NTRK2: variants seen among roughly 807,000 people sequenced by gnomAD.
NTRK2 encodes neurotrophic receptor tyrosine kinase 2.
In NTRK2, 13 loss-of-function variants were observed where a neutral mutation model predicts 94.5. The observed-to-expected ratio is 0.14, with a 90% confidence interval of 0.09 to 0.22. NTRK2 has a LOEUF of 0.22. NTRK2 is among the 10% of genes least tolerant of loss of function. NTRK2 has a pLI of 1.00. For synonymous variants in NTRK2, 372 were observed against 407.4 expected (o/e 0.91, Z 1.05); for missense variants, 639 against 1,071.2 (o/e 0.60, Z 5.63).
At chr9:84,875,732 T>G in intron 14 of NTRK2, 1 of 1,053,498 alleles carries the variant, frequency 9.5e-7, no homozygotes, top group Non-Finnish European at 1.1e-6. Flanking sequence ...TGGAGTTTGC[T>G]GTCCAGTGAT....
chr9:84,945,512 A>G (rs1423213420), intron 15 of NTRK2, among the ~76,000 whole-genome samples: 2 of 152,140 alleles, frequency 1.3e-5, no homozygotes, highest in East Asian at 3.9e-4. Flanking sequence ...CATCTCCTCC[A>G]TACCCTCCAT....
Position 84,702,476 on chromosome 9 carries a change from C to G in NTRK2, c.359+57C>G, listed in dbSNP as rs768383598. The G allele has an allele frequency of 9.8e-6, 14 of 1,424,744 alleles. No homozygotes were observed. The Admixed American group carries it at 1.0e-4, about 10-fold the overall frequency. 88.3% of individuals were successfully genotyped at this position (1,424,744 alleles called of 1,614,324 possible). On this transcript the variant is annotated intron_variant, in intron 4 of 18. Transcript: ENST00000277120. ...GACCCATTTTATTCAATATTTCCCC[C>G]CTCTGTTTATTTTCCTTCTTTTCCA... is the stretch of plus-strand genomic sequence containing the variant.
chr9:84,806,529 G>T (rs2071132390), intron 12 of NTRK2, among the ~76,000 whole-genome samples: 1 of 152,204 alleles, frequency 6.6e-6, no homozygotes, highest in Non-Finnish European at 1.5e-5. Flanking sequence ...TCTGCTACAG[G>T]TGCAGATGAT....
At chr9:84,698,211 G>A (rs112541527) in intron 2 of NTRK2, among the ~76,000 whole-genome samples, 5 of 151,732 alleles carry the variant, frequency 3.3e-5, no homozygotes, top group African/African-American at 1.2e-4. Context: ...TTCTATACTT[G>A]GCATATCTAC....
chr9:84,725,690 T>C (rs939199216), intron 8 of NTRK2, among the ~76,000 whole-genome samples: 4 of 149,134 alleles, frequency 2.7e-5, no homozygotes, highest in African/African-American at 9.8e-5. Flanking sequence ...ATGTATAATA[T>C]ATATAGGGTC....
intron 12 of NTRK2, among the ~76,000 whole-genome samples, chr9:84,781,776 A>C (rs902266998): frequency 6.6e-6 from 1 of 152,190 alleles, no homozygotes; most frequent in Admixed American, 6.5e-5. Context: ...CTTCATTTAA[A>C]TGCAGTAAAT....
rs2060297975 is a variant in NTRK2, at chr9:84,695,088, ACTT to A, written c.213-7068_213-7066del. ...AAAAAAAAAAAACACACAACAAAAA[ACTT>A]CTATCTATCTATGTATCTATCTATT... is the stretch of plus-strand genomic sequence containing the variant. On this transcript the variant is annotated intron_variant, in intron 2 of 18. Coordinates refer to ENST00000277120, the MANE Select transcript of NTRK2 (RefSeq NM_006180.6). 7.3e-5 allele frequency among the ~76,000 whole-genome samples: 11 copies of A among 151,448 alleles called. No individual in the cohort carries two copies. In the South Asian group the frequency reaches 2.3e-3, roughly 32 times the overall value.
At chr9:84,893,832 G>A (rs2076668410) in intron 14 of NTRK2, among the ~76,000 whole-genome samples, 1 of 152,124 alleles carries the variant, frequency 6.6e-6, no homozygotes. Context: ...GCCACCTGTG[G>A]GAGCTGAAGT....
chr9:84,735,255 G>A (rs2132205220), intron 9 of NTRK2, among the ~76,000 whole-genome samples: 1 of 152,234 alleles, frequency 6.6e-6, no homozygotes, highest in Non-Finnish European at 1.5e-5. Context: ...TTTTGACTCT[G>A]GTAAAACTTC....
rs1389086983 is a variant in NTRK2 at position 85,026,822 on chromosome 9, G to A, written c.*5385G>A. 1 of 232,758 alleles carries A rather than the reference G, an allele frequency of 4.3e-6. No individual in the cohort carries two copies. Among genetic ancestry groups the A allele is most frequent in the Non-Finnish European group, 8.5e-6 (1 of 117,932 alleles). 14.4% of individuals were successfully genotyped at this position (232,758 alleles called of 1,614,324 possible). On this transcript the variant is annotated 3_prime_UTR_variant, in exon 19 of 19. Transcript: ENST00000277120. ...ATCTTCCTTTTAATGTGATGTCTCT[G>A]TGCTAATACTTACCAGTTCTTGTTT... is the stretch of plus-strand genomic sequence containing the variant.
chr9:84,915,939 A>T (rs2077379865), intron 14 of NTRK2, among the ~76,000 whole-genome samples: 1 of 152,118 alleles, frequency 6.6e-6, no homozygotes, highest in Admixed American at 6.5e-5. Flanking sequence ...ATTATGAAGG[A>T]GGCATTTGAC....
chr9:84,711,184 G>A (rs1374986596), intron 6 of NTRK2, among the ~76,000 whole-genome samples: 1 of 152,168 alleles, frequency 6.6e-6, no homozygotes, highest in Non-Finnish European at 1.5e-5. Context: ...GGATCTCAGG[G>A]TGATGAAAGT....
chr9:84,732,476 C>T (rs1270852184), intron 9 of NTRK2, among the ~76,000 whole-genome samples: 15 of 152,304 alleles, frequency 9.8e-5, no homozygotes. Context: ...GTGAGCCTCA[C>T]TGATTGGAGG....
intron 12 of NTRK2, among the ~76,000 whole-genome samples, chr9:84,828,715 G>A (rs1174504835): frequency 2.0e-5 from 3 of 152,174 alleles, no homozygotes; most frequent in East Asian, 1.9e-4. Flanking sequence ...GAAAATGTCT[G>A]TAAATCCTTC....
At chr9:84,872,231 T>A (rs1274662845) in intron 14 of NTRK2, 1 of 1,133,436 alleles carries the variant, frequency 8.8e-7, no homozygotes, top group East Asian at 3.8e-5. Context: ...CTGTGTTGCT[T>A]TCCTTTCCTT....
chr9:84,725,325 A>G (rs2062367461), intron 8 of NTRK2, among the ~76,000 whole-genome samples: 1 of 152,210 alleles, frequency 6.6e-6, no homozygotes, highest in Non-Finnish European at 1.5e-5. Flanking sequence ...TACAATCACT[A>G]TGCCCAGTGG....
intron 17 of NTRK2, among the ~76,000 whole-genome samples, chr9:85,015,538 A>G (rs185335539): frequency 1.3e-5 from 2 of 152,302 alleles, no homozygotes; most frequent in Admixed American, 6.5e-5. Flanking sequence ...ATTCATGGGG[A>G]ACCCATTAAA....
At chr9:84,730,265 C>T (rs1351233133) in intron 9 of NTRK2, among the ~76,000 whole-genome samples, 2 of 152,118 alleles carry the variant, frequency 1.3e-5, no homozygotes, top group African/African-American at 4.8e-5. Flanking sequence ...AGACTTGGCC[C>T]AGGGTGACAG....
At chr9:84,670,986 T>G (rs2058665645) in intron 2 of NTRK2, 26 bp downstream of exon 2, 1 of 1,598,720 alleles carries the variant, frequency 6.3e-7, no homozygotes, top group South Asian at 1.1e-5. Context: ...TTTTCCTCCT[T>G]TTTCTCCTTG....
Sources: gnomAD v4.1 joint callset for allele counts (sites outside exome capture counted in the v4.1 genomes callset) on GRCh38, gnomAD v4.1.1 for gene constraint, MANE v1.5 for transcripts, NCBI Gene and HGNC (gene_info 2026-07-23, HGNC 2026-07-21) for gene names.